NOLC1: variants seen among roughly 807,000 people sequenced by gnomAD.
The protein encoded by NOLC1 is 140 kDa nucleolar phosphoprotein.
Under a neutral mutation model 73.4 loss-of-function variants are expected in NOLC1, and 37 were observed. That is an observed-to-expected ratio of 0.50 (90% CI 0.39 to 0.66). The LOEUF is 0.66. Among genes scored for constraint, NOLC1 ranks in the 30% least tolerant of loss-of-function variants. NOLC1 has a pLI of 0.00. For missense variants in NOLC1, 921 were observed against 838.9 expected, an observed-to-expected ratio of 1.10 and a Z score of -1.21; for synonymous variants, 327 against 302.6, an observed-to-expected ratio of 1.08 and a Z score of -0.84.
intron 10 of NOLC1, 147 bp downstream of exon 10, chr10:102,161,240 T>C: frequency 1.4e-6 from 1 of 710,456 alleles, no homozygotes; most frequent in Non-Finnish European, 2.1e-6. Context: ...CTGGTTACCT[T>C]TTTTTTTTTT....
intron 12 of NOLC1, 60 bp downstream of exon 12, chr10:102,161,985 T>G (rs1156997798): frequency 6.2e-7 from 1 of 1,603,370 alleles, no homozygotes; most frequent in Admixed American, 1.7e-5. Flanking sequence ...GAGAGGACAA[T>G]TCTTGGTTCA....
rs780450692 is a variant in NOLC1 at position 102,159,546 on chromosome 10, A to C, written c.837A>C (p.Lys279Asn). 6 of 1,614,156 alleles carry C rather than the reference A, an allele frequency of 3.7e-6. No homozygotes were observed. In the Admixed American group the frequency reaches 1.0e-4, roughly 27 times the overall value. Reference protein sequence around the residue: ...DSSSDEEEEQKKPMKNKPGPY... With the variant: ...DSSSDEEEEQNKPMKNKPGPY... ...CCAGTGACGAGGAAGAGGAGCAAAA[A>C]AAACCCATGAAAAATAAACCAGGTG... is the stretch of plus-strand genomic sequence containing the variant. Residue 279 changes from lysine (K) to asparagine (N), a missense_variant, in exon 7 of 13, where the codon AAA becomes AAC. Lys to Asn is a moderately conservative substitution (Grantham distance 94). Coordinates refer to ENST00000605788, the MANE Select transcript of NOLC1 (RefSeq NM_004741.5).
At position 102,161,559 on chromosome 10, in the gene NOLC1, C is replaced by T; in HGVS notation, c.1745C>T (p.Ser582Leu). ...KAAVVVSKSG[S>L]LKKRKQNEAA... is the part of the protein sequence containing the mutation. ...AGTCTGGCTTTTTGTTTTGTAGGTT[C>T]ATTAAAGAAGCGGAAGCAGAATGAG... The change falls in exon 11 of 13, where the codon TCA becomes TTA. Residue 582 changes from serine to leucine, a missense_variant. Ser to Leu is a moderately radical substitution (Grantham distance 145). Transcript: ENST00000605788. 2 of 1,612,870 alleles carry T rather than the reference C, an allele frequency of 1.2e-6. No homozygotes were observed. The highest frequency in any genetic ancestry group is 4.5e-5 in the East Asian group (2 of 44,880).
chr10:102,153,722 G>C (rs1306651084), intron 1 of NOLC1, among the ~76,000 whole-genome samples: 1 of 146,800 alleles, frequency 6.8e-6, no homozygotes, highest in Non-Finnish European at 1.5e-5. Context: ...GCCCAGGCTG[G>C]AGTGCAATGG....
intron 12 of NOLC1, 90 bp from the exon 13 acceptor site, chr10:102,162,021 C>A: frequency 6.2e-7 from 1 of 1,602,050 alleles, no homozygotes. Context: ...TCTCTGGGTT[C>A]AGGTTTCCTT....
chr10:102,161,840 AAAG>A lies in NOLC1; in HGVS notation c.1857_1859del (p.Arg620del), dbSNP rs1311189807. 1 of 1,614,106 alleles carries A rather than the reference AAAG, an allele frequency of 6.2e-7. No individual in the cohort carries two copies. The highest frequency in any genetic ancestry group is 1.1e-5 in the South Asian group (1 of 91,078). The stretch of plus-strand genomic sequence containing the variant: ...TACTTCATTCTTCTGTAGGGAGAAA[AAAG>A]GGCATCATCCCCATTCCGAAGGGTC... On this transcript the variant is annotated inframe_deletion, in exon 12 of 13. Coordinates refer to ENST00000605788, the MANE Select transcript of NOLC1 (RefSeq NM_004741.5).
In NOLC1 at chr10:102,159,898, C is replaced by T. The variant is rs773739020; in HGVS notation, c.862C>T (p.Pro288Ser). The change falls in exon 8 of 13, where the codon CCC (proline) becomes TCC (serine). Residue 288 changes from proline (P) to serine (S), a missense_variant and splice_region_variant. Pro to Ser is a moderately conservative substitution (Grantham distance 74). Coordinates refer to ENST00000605788, the MANE Select transcript of NOLC1 (RefSeq NM_004741.5). ...ATCACACTATCCTTTTTAAACAGGTCCCTACAGTTCAGTCCCCCCGCCTTC... is the reference window on the plus strand; with the variant it reads ...ATCACACTATCCTTTTTAAACAGGTTCCTACAGTTCAGTCCCCCCGCCTTC... The part of the protein sequence containing the change: ...QKKPMKNKPG[P>S]YSSVPPPSAP... The T allele has an allele frequency of 2.5e-6, 4 of 1,576,770 alleles. No individual in the cohort carries two copies. Among genetic ancestry groups the T allele is most frequent in the Admixed American group, 1.9e-5 (1 of 52,654 alleles).
intron 4 of NOLC1, among the ~76,000 whole-genome samples, 159 bp downstream of exon 4, chr10:102,157,714 G>C (rs2069623206): frequency 6.6e-6 from 1 of 152,160 alleles, no homozygotes; most frequent in Non-Finnish European, 1.5e-5. Context: ...AAAAGTATGA[G>C]GTCTGGAAGG....
In NOLC1 at chr10:102,159,262, G is replaced by A. The variant is rs776659180; in HGVS notation, c.677G>A (p.Ser226Asn). The A allele has an allele frequency of 6.2e-7, 1 of 1,614,092 alleles. No individual in the cohort carries two copies. The highest frequency in any genetic ancestry group is 1.1e-5 in the South Asian group (1 of 91,082). ...AGCAGTAGCAGCAGCAGCAGCAGTA[G>A]CAGTGATGACTCAGAGGAGGAGAAG... Reference protein sequence around the residue: ...SSSSSSSSSSSSDDSEEEKAA... With the variant: ...SSSSSSSSSSNSDDSEEEKAA... Residue 226 changes from serine (S) to asparagine (N), a missense_variant, in exon 6 of 13, where the codon AGC becomes AAC. Transcript: ENST00000605788.
At chr10:102,154,321 G>C (rs952248758) in intron 1 of NOLC1, among the ~76,000 whole-genome samples, 2 of 148,172 alleles carry the variant, frequency 1.3e-5, no homozygotes, top group African/African-American at 5.0e-5. Flanking sequence ...CTGACCTCAA[G>C]AATCTACTGC....
At position 102,162,112 on chromosome 10, in the gene NOLC1, G is replaced by A. The variant is rs770208217; in HGVS notation, c.1943G>A (p.Arg648Gln). 3.5e-5 allele frequency: 56 copies of A among 1,613,574 alleles called. No individual in the cohort carries two copies. Among genetic ancestry groups the A allele is most frequent in the Non-Finnish European group, 4.3e-5 (51 of 1,179,972 alleles). The change falls in exon 13 of 13, where the codon CGA becomes CAA. Residue 648 changes from arginine (R) to glutamine (Q), a missense_variant and splice_region_variant. Coordinates refer to ENST00000605788, the MANE Select transcript of NOLC1 (RefSeq NM_004741.5). ...RVADNSFDAK[R>Q]GAAGDWGERA... ...TTAATCTCCCTCTCTACTTACCAGC[G>A]AGGTGCAGCCGGAGACTGGGGAGAG...
In NOLC1 at chr10:102,161,918, A is replaced by G. The variant is rs1438394741; in HGVS notation, c.1934A>G (p.Asp645Gly). ...VDSRVADNSF[D>G]AKRGAAGDWG... ...TCACGAGTTGCGGACAACTCCTTTG[A>G]TGCCAAGGTGAGAGAGAGATCTGTG... Residue 645 changes from aspartate (D) to glycine (G), a missense_variant, in exon 12 of 13, where the codon GAT becomes GGT. Transcript: ENST00000605788. 1.9e-6 allele frequency: 3 copies of G among 1,613,968 alleles called. No individual in the cohort carries two copies. The Admixed American group carries it at 5.0e-5, about 27-fold the overall frequency.
Position 102,157,262 on chromosome 10 carries a change from T to C in NOLC1, c.250T>C (p.Ser84Pro). 1 of 1,614,074 alleles carries C rather than the reference T, an allele frequency of 6.2e-7. No individual in the cohort carries two copies. The highest frequency in any genetic ancestry group is 8.5e-7 in the Non-Finnish European group (1 of 1,180,002). ...TAAGAAAGCTAAGAAGAAGGCCTCA[T>C]CCAGTGACAGTGAGGACAGCAGCGA... ...VAKKAKKKAS[S>P]SDSEDSSEEE... The change falls in exon 3 of 13, where the codon TCC (serine) becomes CCC (proline). Residue 84 changes from serine to proline, a missense_variant. Physicochemically the swap from Ser to Pro is moderately conservative, Grantham distance 74. Transcript: ENST00000605788.
chr10:102,158,914 G>A (rs772708329), intron 5 of NOLC1, among the ~76,000 whole-genome samples: 1 of 151,804 alleles, frequency 6.6e-6, no homozygotes, highest in Non-Finnish European at 1.5e-5. Context: ...GGCCAACATG[G>A]CGAAACCCTG....
rs777246425 is a variant in NOLC1, at chr10:102,162,149, G to A, written c.1980G>A (p.Gln660=). ...GAGACTGGGGAGAGCGAGCCAATCAGGTTTTGAAGTTCACCAAAGGCAAGT... is the reference window on the plus strand; with the variant it reads ...GAGACTGGGGAGAGCGAGCCAATCAAGTTTTGAAGTTCACCAAAGGCAAGT... ...AAGDWGERAN[Q]VLKFTKGKSF... Residue 660 remains glutamine, a synonymous_variant, in exon 13 of 13, where the codon CAG becomes CAA. Coordinates refer to ENST00000605788, the MANE Select transcript of NOLC1 (RefSeq NM_004741.5). 6.2e-7 allele frequency: 1 copy of A among 1,614,126 alleles called. No homozygotes were observed. Among genetic ancestry groups the A allele is most frequent in the Admixed American group, 1.7e-5 (1 of 60,020 alleles).
At chr10:102,152,887 T>G (rs2069529775) in intron 1 of NOLC1, among the ~76,000 whole-genome samples, 1 of 152,226 alleles carries the variant, frequency 6.6e-6, no homozygotes, top group African/African-American at 2.4e-5. Flanking sequence ...GGGCTTTTCG[T>G]TGGGTGAGGC....
intron 1 of NOLC1, 69 bp from the exon 2 acceptor site, chr10:102,156,950 C>A: frequency 6.9e-7 from 1 of 1,439,044 alleles, no homozygotes; most frequent in Non-Finnish European, 9.8e-7. Context: ...ATGTATGTAA[C>A]AGGCCACATT....
Position 102,160,961 on chromosome 10 carries a change from G to C in NOLC1, c.1609G>C (p.Gly537Arg), listed in dbSNP as rs1396940390. 2 of 1,614,016 alleles carry C rather than the reference G, an allele frequency of 1.2e-6. No homozygotes were observed. Among genetic ancestry groups the C allele is most frequent in the African/African-American group, 2.7e-5 (2 of 74,892 alleles). The change falls in exon 10 of 13, where the codon GGC (glycine) becomes CGC (arginine). Residue 537 changes from glycine to arginine, a missense_variant. By Grantham distance (125) the Gly-to-Arg change is moderately radical. Coordinates refer to ENST00000605788, the MANE Select transcript of NOLC1 (RefSeq NM_004741.5). Reference protein sequence around the residue: ...EEEEEKLKGKGSPRPQAPKAN... With the variant: ...EEEEEKLKGKRSPRPQAPKAN... Reference sequence around the variant, plus strand: ...AGAGGAAGAGAAGCTCAAGGGCAAGGGCTCTCCAAGACCACAAGCCCCCAA... The same window carrying C: ...AGAGGAAGAGAAGCTCAAGGGCAAGCGCTCTCCAAGACCACAAGCCCCCAA...
Position 102,161,845 on chromosome 10 carries a change from G to A in NOLC1, c.1861G>A (p.Ala621Thr). ...FPKRKKGEKR[A>T]SSPFRRVREE... ...CATTCTTCTGTAGGGAGAAAAAAGG[G>A]CATCATCCCCATTCCGAAGGGTCAG... is the stretch of plus-strand genomic sequence containing the variant. Residue 621 changes from alanine (A) to threonine (T), a missense_variant, in exon 12 of 13, where the codon GCA becomes ACA. Coordinates refer to ENST00000605788, the MANE Select transcript of NOLC1 (RefSeq NM_004741.5). The A allele has an allele frequency of 1.2e-6, 2 of 1,614,062 alleles. No homozygotes were observed. Among genetic ancestry groups the A allele is most frequent in the Admixed American group, 1.7e-5 (1 of 60,020 alleles).
Sources: allele counts gnomAD v4.1 joint callset (sites outside exome capture counted in the v4.1 genomes callset), GRCh38; gene constraint gnomAD v4.1.1; transcripts MANE v1.5; gene names NCBI Gene and HGNC (gene_info 2026-07-23, HGNC 2026-07-21).